FBLN1: variants seen among roughly 807,000 people sequenced by gnomAD.
The protein encoded by FBLN1 is fibulin-1.
In FBLN1, 34 loss-of-function variants were observed where a neutral mutation model predicts 89.7. The ratio of observed to expected loss-of-function variants is 0.38; its 90% CI spans 0.29 to 0.50. FBLN1 has a LOEUF of 0.50. Ranked by LOEUF, FBLN1 falls within the 20% of genes least tolerant of loss-of-function variation. The pLI is 0.92. For missense variants in FBLN1, 777 were observed against 988.1 expected, an observed-to-expected ratio of 0.79 and a Z score of 2.86; for synonymous variants, 393 against 391.3, an observed-to-expected ratio of 1.00 and a Z score of -0.05.
chr22:45,546,846 G>T lies in FBLN1; in HGVS notation c.1322-239G>T, dbSNP rs5765463. Among the ~76,000 whole-genome samples, 126,463 of 152,204 alleles carry T rather than the reference G, an allele frequency of 0.83. 53,098 individuals carry two copies. Among genetic ancestry groups the T allele is most frequent in the East Asian group, 0.97 (5,026 of 5,174 alleles). ...ACTTCCAGGGGCCAAGGCTGGAGGC[G>T]ATCGCTGCCATCCTGGCAGGAGAAG... On this transcript the variant is annotated intron_variant, in intron 11 of 16. Coordinates refer to ENST00000327858, the MANE Select transcript of FBLN1 (RefSeq NM_006486.3).
intron 1 of FBLN1, among the ~76,000 whole-genome samples, chr22:45,514,199 C>A (rs1021266898): frequency 4.0e-4 from 61 of 152,158 alleles, no homozygotes; most frequent in African/African-American, 1.4e-3. Flanking sequence ...CTTCAGGGAA[C>A]CTGTTCCTGC....
chr22:45,566,661 A>C (rs1259286693), intron 14 of FBLN1, among the ~76,000 whole-genome samples: 1 of 152,044 alleles, frequency 6.6e-6, no homozygotes, highest in Non-Finnish European at 1.5e-5. Flanking sequence ...CAGAGTAAAC[A>C]CTCCATAGGT....
In FBLN1 at chr22:45,541,298, C is replaced by T; in HGVS notation, c.992C>T (p.Ser331Phe). The T allele has an allele frequency of 6.2e-7, 1 of 1,614,240 alleles. No homozygotes were observed. The highest frequency in any genetic ancestry group is 8.5e-7 in the Non-Finnish European group (1 of 1,180,036). Residue 331 changes from serine (S) to phenylalanine (F), a missense_variant, in exon 9 of 17, where the codon TCC becomes TTC. Physicochemically the swap from Ser to Phe is radical, Grantham distance 155. Coordinates refer to ENST00000327858, the MANE Select transcript of FBLN1 (RefSeq NM_006486.3). ...CATACATGCATCAACACAGAGGGCT[C>T]CTACACGTGCCAGAAGAACGTGCCC... is the stretch of plus-strand genomic sequence containing the variant. ...IGHTCINTEGSYTCQKNVPNC... is the reference protein window; with the variant it reads ...IGHTCINTEGFYTCQKNVPNC...
rs2146659480 is a variant in FBLN1, at chr22:45,588,122, A to G, written c.1972+11014A>G. On this transcript the variant is annotated intron_variant, in intron 16 of 16. Coordinates refer to ENST00000327858, the MANE Select transcript of FBLN1 (RefSeq NM_006486.3). The surrounding 1 kb of genome is among the most constrained non-coding windows in gnomAD (Gnocchi z 5.1). ...GGTCAGATGGTAGTGAGGGCTGTGCAGAGCAGGGGAGGGGAGTGGGAGGCG... is the reference window on the plus strand; with the variant it reads ...GGTCAGATGGTAGTGAGGGCTGTGCGGAGCAGGGGAGGGGAGTGGGAGGCG... 6.6e-6 allele frequency among the ~76,000 whole-genome samples: 1 copy of G among 152,328 alleles called. No individual in the cohort carries two copies. Among genetic ancestry groups the G allele is most frequent in the African/African-American group, 2.4e-5 (1 of 41,580 alleles).
At chr22:45,586,328 A>C (rs2089085422) in intron 16 of FBLN1, among the ~76,000 whole-genome samples, 1 of 152,188 alleles carries the variant, frequency 6.6e-6, no homozygotes, top group African/African-American at 2.4e-5. Flanking sequence ...CCTCTGCAGG[A>C]GGAGACAGCA....
intron 14 of FBLN1, among the ~76,000 whole-genome samples, chr22:45,552,604 G>A (rs976337629): frequency 1.3e-5 from 2 of 152,170 alleles, no homozygotes; most frequent in Non-Finnish European, 2.9e-5. Flanking sequence ...ACCCATGGCC[G>A]GCGCTTCTGT....
chr22:45,581,581 C>G lies in FBLN1; in HGVS notation c.1972+4473C>G, dbSNP rs909429826. ...GTGAAGTAATTCTTTGGCCTACGGA[C>G]GAATTTTGCATGTGGACCTCCTGAC... On this transcript the variant is annotated intron_variant, in intron 16 of 16. Transcript: ENST00000327858. The surrounding 1 kb of genome is among the most constrained non-coding windows in gnomAD (Gnocchi z 7.6). Among the ~76,000 whole-genome samples the G allele has an allele frequency of 1.3e-5, 2 of 152,156 alleles. No homozygotes were observed. The highest frequency in any genetic ancestry group is 4.8e-5 in the African/African-American group (2 of 41,430).
chr22:45,518,947 C>T (rs1385863832), intron 2 of FBLN1, among the ~76,000 whole-genome samples, 160 bp downstream of exon 2: 1 of 152,208 alleles, frequency 6.6e-6, no homozygotes, highest in African/African-American at 2.4e-5. Flanking sequence ...TCCTGCCTCC[C>T]TCCTGGCACC....
At chr22:45,564,949 T>C (rs532709010) in intron 14 of FBLN1, 5 of 1,614,160 alleles carry the variant, frequency 3.1e-6, no homozygotes, top group Non-Finnish European at 4.2e-6. Flanking sequence ...TGCAGGGTTC[T>C]TCCATGGAAG....
Position 45,590,928 on chromosome 22 carries a change from T to C in FBLN1, c.1973-9379T>C, listed in dbSNP as rs2089131095. On this transcript the variant is annotated intron_variant, in intron 16 of 16. Coordinates refer to ENST00000327858, the MANE Select transcript of FBLN1 (RefSeq NM_006486.3). This position sits in a 1 kb window ranked among gnomAD's most constrained non-coding sequence, Gnocchi z 4.1. Reference sequence around the variant, plus strand: ...GAGAAATTGGAGTGGACTCCGAGTTTGGGTCGGGGGCCCAGGAGGACCCCA... The same window carrying C: ...GAGAAATTGGAGTGGACTCCGAGTTCGGGTCGGGGGCCCAGGAGGACCCCA... Among the ~76,000 whole-genome samples, 1 of 151,844 alleles carries C rather than the reference T, an allele frequency of 6.6e-6. No homozygotes were observed. Among genetic ancestry groups the C allele is most frequent in the Admixed American group, 6.6e-5 (1 of 15,254 alleles).
At chr22:45,520,438 C>T (rs1173001535) in intron 2 of FBLN1, among the ~76,000 whole-genome samples, 1 of 151,826 alleles carries the variant, frequency 6.6e-6, no homozygotes, top group Non-Finnish European at 1.5e-5. Flanking sequence ...GTGTCTGTGT[C>T]CTGCTCACCG....
rs139390987 is a variant in FBLN1, at chr22:45,504,528, G to A, written c.79+1464G>A. ...TGGAGGGAAAACCCCGAGGGGCCCTGGGTGATGGGTGGGTGGGACATCCGA... is the reference window on the plus strand; with the variant it reads ...TGGAGGGAAAACCCCGAGGGGCCCTAGGTGATGGGTGGGTGGGACATCCGA... On this transcript the variant is annotated intron_variant, in intron 1 of 16. Coordinates refer to ENST00000327858, the MANE Select transcript of FBLN1 (RefSeq NM_006486.3). 2.9e-3 allele frequency among the ~76,000 whole-genome samples: 434 copies of A among 152,226 alleles called. 1 individual carries two copies. Among genetic ancestry groups the A allele is most frequent in the African/African-American group, 1.0e-2 (415 of 41,528 alleles).
chr22:45,547,678 G>A (rs2088649967), intron 12 of FBLN1, among the ~76,000 whole-genome samples: 1 of 152,076 alleles, frequency 6.6e-6, no homozygotes, highest in South Asian at 2.1e-4. Context: ...GGGATTACAG[G>A]CATGAGCCAC....
Position 45,545,334 on chromosome 22 carries a change from T to C in FBLN1, c.1322-1751T>C, listed in dbSNP as rs1057035859. Among the ~76,000 whole-genome samples the C allele has an allele frequency of 1.3e-5, 2 of 151,976 alleles. No individual in the cohort carries two copies. The highest frequency in any genetic ancestry group is 2.9e-5 in the Non-Finnish European group (2 of 67,988). On this transcript the variant is annotated intron_variant, in intron 11 of 16. Transcript: ENST00000327858. The surrounding 1 kb of genome is among the most constrained non-coding windows in gnomAD (Gnocchi z 5.9). ...AACGGGCATAGTAGGACCAACCCCA[T>C]AGGGGGTTGTGAGGATGAAACGAGA...
chr22:45,566,072 A>G (rs2088899075), intron 14 of FBLN1: 1 of 152,590 alleles, frequency 6.6e-6, no homozygotes, highest in South Asian at 2.1e-4. Context: ...CAAAAAAATA[A>G]GTAAAAATTG....
At chr22:45,511,466 T>TC (rs2088099823) in intron 1 of FBLN1, among the ~76,000 whole-genome samples, 1 of 149,172 alleles carries the variant, frequency 6.7e-6, no homozygotes, top group Non-Finnish European at 1.5e-5. Flanking sequence ...TTTTTTTTTT[T>TC]TAGACAGTCT....
At chr22:45,521,424 C>T (rs151234853) in intron 2 of FBLN1, among the ~76,000 whole-genome samples, 25 of 152,276 alleles carry the variant, frequency 1.6e-4, no homozygotes, top group African/African-American at 5.3e-4. Flanking sequence ...TCCCAGTGGA[C>T]ACACAGGCCA....
Position 45,563,364 on chromosome 22 carries a change from C to T in FBLN1, c.1698-11147C>T, listed in dbSNP as rs553260437. 7 of 1,570,226 alleles carry T rather than the reference C, an allele frequency of 4.5e-6. No individual in the cohort carries two copies. In the African/African-American group the frequency reaches 8.1e-5, roughly 18 times the overall value. ...CTTAGCAAGCGTCCCACACAGTGAG[C>T]CTCGCGTGCCTTGGTTTTATTTGGC... On this transcript the variant is annotated intron_variant, in intron 14 of 16. Coordinates refer to ENST00000327858, the MANE Select transcript of FBLN1 (RefSeq NM_006486.3). This position sits in a 1 kb window ranked among gnomAD's most constrained non-coding sequence, Gnocchi z 5.7.
intron 14 of FBLN1, among the ~76,000 whole-genome samples, chr22:45,554,794 C>T (rs2088757437): frequency 2.0e-5 from 3 of 152,352 alleles, no homozygotes; most frequent in South Asian, 4.1e-4. Context: ...CAGGCAGCCA[C>T]CTTCAGAGTA....
Sources: gnomAD v4.1 joint callset for allele counts (sites outside exome capture counted in the v4.1 genomes callset) on GRCh38, gnomAD v4.1.1 for gene constraint, Gnocchi (gnomAD v3.1) non-coding constraint, MANE v1.5 for transcripts, NCBI Gene and HGNC (gene_info 2026-07-23, HGNC 2026-07-21) for gene names.